Variants in STARD8 observed in about 807,000 individuals in gnomAD.
The protein encoded by STARD8 is stAR-related lipid transfer protein 8.
A neutral mutation model predicts 69.4 loss-of-function variants in STARD8; 25 were observed. That is an observed-to-expected ratio of 0.36 (90% CI 0.26 to 0.50). The LOEUF (loss-of-function observed/expected upper bound fraction) is 0.50. Ranked by LOEUF, STARD8 falls within the 20% of genes least tolerant of loss-of-function variation. STARD8 has a pLI of 0.96. For synonymous variants in STARD8, 389 were observed against 374.6 expected, an observed-to-expected ratio of 1.04 and a Z score of -0.45; for missense variants, 921 against 932.5, an observed-to-expected ratio of 0.99 and a Z score of 0.16.
At position 68,724,710 on chromosome X, in the gene STARD8, T is replaced by A. The variant is rs1393989908; in HGVS notation, c.*288T>A. On this transcript the variant is annotated 3_prime_UTR_variant, in exon 15 of 15. Transcript: ENST00000374599. Reference sequence around the variant, plus strand: ...AGCAAGACTGCTGCCACCAGCCACCTGCTTGTGAGGCCGCCACTTGGCATG... The same window carrying A: ...AGCAAGACTGCTGCCACCAGCCACCAGCTTGTGAGGCCGCCACTTGGCATG... 1 of 241,901 alleles carries A rather than the reference T, an allele frequency of 4.1e-6. No homozygotes were observed. Among genetic ancestry groups the A allele is most frequent in the African/African-American group, 2.8e-5 (1 of 35,598 alleles). 19.9% of individuals were successfully genotyped at this position (241,901 alleles called of 1,213,427 possible). A position where few individuals can be genotyped will look rare whatever the true frequency, so the allele number is the denominator to read the frequency against.
At chrX:68,707,111 G>A (rs755684242) in intron 2 of STARD8, among the ~76,000 whole-genome samples, 1 of 112,864 alleles carries the variant, frequency 8.9e-6, no homozygotes, top group Admixed American at 9.3e-5. Context: ...CTCACTGAAG[G>A]TGGGAGAGAC....
At chrX:68,673,932 A>G (rs1035049403) in intron 2 of STARD8, among the ~76,000 whole-genome samples, 1 of 112,063 alleles carries the variant, frequency 8.9e-6, no homozygotes, top group Non-Finnish European at 1.9e-5. Flanking sequence ...GTTTTTTTCC[A>G]AAAAGATCTG....
chrX:68,718,975 G>A (rs1480564228), intron 6 of STARD8, among the ~76,000 whole-genome samples: 1 of 110,334 alleles, frequency 9.1e-6, no homozygotes, highest in African/African-American at 3.3e-5. Flanking sequence ...ATGGGCAGGG[G>A]TCTTCACTGC....
At chrX:68,707,651 G>A (rs911745226) in intron 2 of STARD8, among the ~76,000 whole-genome samples, 9 of 111,729 alleles carry the variant, frequency 8.1e-5, no homozygotes, top group African/African-American at 2.9e-4. Flanking sequence ...GGAGGAATGG[G>A]ACGGGACACC....
chrX:68,661,970 C>CTCTTTCTTTCTTTCTT (rs1169605331), intron 1 of STARD8, among the ~76,000 whole-genome samples: 80 of 55,999 alleles, frequency 1.4e-3, no homozygotes, highest in East Asian at 6.0e-3. Context: ...CTCTCTCTCT[C>CTCTTTCTTTCTTTCTT]TCTTTCTTTC....
chrX:68,669,193 C>A (rs1018526018), intron 2 of STARD8, among the ~76,000 whole-genome samples: 2 of 111,238 alleles, frequency 1.8e-5, no homozygotes, highest in African/African-American at 3.3e-5. Flanking sequence ...AAAAGGAACC[C>A]GCTTCCTCCA....
At position 68,699,485 on chromosome X, in the gene STARD8, G is replaced by A. The variant is rs897763789; in HGVS notation, c.80-13429G>A. 8.0e-5 allele frequency among the ~76,000 whole-genome samples: 9 copies of A among 112,103 alleles called. No homozygotes were observed. In the Admixed American group the frequency reaches 8.4e-4, roughly 11 times the overall value. On this transcript the variant is annotated intron_variant, in intron 2 of 14. Transcript: ENST00000374599. The stretch of plus-strand genomic sequence containing the variant: ...CCTGAGGCTTCTAACCCTGGGTTCC[G>A]AGTGTGCCCTCTGGGACCACCTGGA...
At chrX:68,650,898 C>T (rs925842333) in intron 1 of STARD8, among the ~76,000 whole-genome samples, 71 of 112,814 alleles carry the variant, frequency 6.3e-4, no homozygotes, top group South Asian at 7.4e-4. Context: ...GGGTCCCAGA[C>T]GTTTGCACGC....
intron 3 of STARD8, among the ~76,000 whole-genome samples, chrX:68,714,555 T>C (rs899868735): frequency 1.8e-5 from 2 of 112,510 alleles, no homozygotes; most frequent in African/African-American, 6.5e-5. Context: ...ATGTCTTCCA[T>C]GACTGCACCA....
chrX:68,724,300 C>T lies in STARD8; in HGVS notation c.3195-5C>T. 1.7e-6 allele frequency: 2 copies of T among 1,209,370 alleles called. No homozygotes were observed. Among genetic ancestry groups the T allele is most frequent in the Non-Finnish European group, 2.2e-6 (2 of 893,897 alleles). On this transcript the variant is annotated splice_region_variant and splice_polypyrimidine_tract_variant and intron_variant, in intron 14 of 14. Coordinates refer to ENST00000374599, the MANE Select transcript of STARD8 (RefSeq NM_001142503.3). ...GCTCATGCCTGGTTTCTTCTGCTTC[C>T]CTAGGGGCCGTTCTCCTGACTGGTA...
chrX:68,647,966 G>C (rs189217171), intron 1 of STARD8, 39 bp downstream of exon 1: 387 of 1,179,767 alleles, frequency 3.3e-4, no homozygotes, highest in Non-Finnish European at 4.0e-4. Flanking sequence ...CCGCTGCTCA[G>C]GGGGGAAGGA....
intron 1 of STARD8, among the ~76,000 whole-genome samples, chrX:68,653,563 CCA>C (rs1194347711): frequency 4.8e-5 from 3 of 62,604 alleles, no homozygotes; most frequent in Non-Finnish European, 6.3e-5. Flanking sequence ...CACACATACA[CCA>C]CACACACACC....
chrX:68,653,308 A>C (rs1214933750), intron 1 of STARD8, among the ~76,000 whole-genome samples: 4 of 25,700 alleles, frequency 1.6e-4, no homozygotes, highest in Non-Finnish European at 7.0e-5. Flanking sequence ...CACACACACC[A>C]CACCACACAC....
At chrX:68,653,134 ACACAC>A (rs2079574524) in intron 1 of STARD8, among the ~76,000 whole-genome samples, 1 of 71,893 alleles carries the variant, frequency 1.4e-5, no homozygotes, top group Non-Finnish European at 2.7e-5. Flanking sequence ...CACACACACC[ACACAC>A]CACACACACC....
At chrX:68,659,667 C>T (rs1160174941) in intron 1 of STARD8, among the ~76,000 whole-genome samples, 1 of 111,824 alleles carries the variant, frequency 8.9e-6, no homozygotes, top group Non-Finnish European at 1.9e-5. Context: ...ATATTACATT[C>T]CTGAGATTAT....
At position 68,725,114 on chromosome X, in the gene STARD8, C is replaced by G. The variant is rs1401173217; in HGVS notation, c.*692C>G. 1 of 111,145 alleles carries G rather than the reference C, an allele frequency of 9.0e-6. No individual in the cohort carries two copies. The highest frequency in any genetic ancestry group is 3.3e-5 in the African/African-American group (1 of 30,545). 9.2% of individuals were successfully genotyped at this position (111,145 alleles called of 1,213,427 possible). On this transcript the variant is annotated 3_prime_UTR_variant, in exon 15 of 15. Transcript: ENST00000374599. ...AGTGGAGTACCTTCCTTTCTCAAGTCTCGAGATGCCAGTGAAACCAGTATT... is the reference window on the plus strand; with the variant it reads ...AGTGGAGTACCTTCCTTTCTCAAGTGTCGAGATGCCAGTGAAACCAGTATT...
intron 2 of STARD8, among the ~76,000 whole-genome samples, chrX:68,691,617 T>C (rs1221009427): frequency 8.9e-6 from 1 of 112,556 alleles, no homozygotes; most frequent in African/African-American, 3.2e-5. Context: ...ACCCTGACAA[T>C]TGTGTTCACT....
chrX:68,702,883 T>C (rs767139927), intron 2 of STARD8, among the ~76,000 whole-genome samples: 13 of 111,864 alleles, frequency 1.2e-4, no homozygotes, highest in Non-Finnish European at 1.9e-5. Context: ...TAGTAAGTAC[T>C]GTATAACTAT....
chrX:68,712,131 A>G (rs916689994), intron 2 of STARD8, among the ~76,000 whole-genome samples: 64 of 112,277 alleles, frequency 5.7e-4, no homozygotes, highest in Admixed American at 4.7e-4. Context: ...CGACAGGCTG[A>G]CCTAGCCATG....
Sources: gnomAD v4.1 joint callset for allele counts (sites outside exome capture counted in the v4.1 genomes callset) on GRCh38, gnomAD v4.1.1 for gene constraint, MANE v1.5 for transcripts, NCBI Gene and HGNC (gene_info 2026-07-23, HGNC 2026-07-21) for gene names.